ARHGAP40: variants seen among roughly 807,000 people sequenced by gnomAD.
The protein encoded by ARHGAP40 is rho GTPase-activating protein 40.
In ARHGAP40, 43 loss-of-function variants were observed where a neutral mutation model predicts 73.5. The observed-to-expected ratio is 0.58, with a 90% CI of 0.46 to 0.75. The LOEUF (loss-of-function observed/expected upper bound fraction) is 0.75. Among genes scored for constraint, ARHGAP40 ranks in the 30% least tolerant of loss-of-function variants. ARHGAP40 has a pLI of 0.00. For missense variants in ARHGAP40, 734 were observed against 861.8 expected, an observed-to-expected ratio of 0.85 and a Z score of 1.86; for synonymous variants, 300 against 352.8, an observed-to-expected ratio of 0.85 and a Z score of 1.68.
At chr20:38,633,520 C>G (rs1311578302) in intron 5 of ARHGAP40, among the ~76,000 whole-genome samples, 1 of 152,230 alleles carries the variant, frequency 6.6e-6, no homozygotes, top group Non-Finnish European at 1.5e-5. Flanking sequence ...ACTGTTATCA[C>G]TTCCACTTTG....
intron 10 of ARHGAP40, 88 bp from the exon 11 acceptor site, chr20:38,643,616 C>G (rs1157963062): frequency 3.6e-6 from 4 of 1,115,552 alleles, no homozygotes; most frequent in Non-Finnish European, 4.8e-6. Flanking sequence ...CCTAGCACCC[C>G]CTTATCATTC....
intron 9 of ARHGAP40, among the ~76,000 whole-genome samples, chr20:38,640,555 T>C (rs1269195597): frequency 6.6e-6 from 1 of 152,048 alleles, no homozygotes; most frequent in Non-Finnish European, 1.5e-5. Flanking sequence ...TCAGATTCCT[T>C]CCCTATGCTG....
At chr20:38,638,496 C>T (rs1245111525) in intron 7 of ARHGAP40, among the ~76,000 whole-genome samples, 5 of 152,088 alleles carry the variant, frequency 3.3e-5, no homozygotes, top group African/African-American at 1.2e-4. Context: ...GATTTTTGAA[C>T]TTTCATTAGC....
At chr20:38,626,884 CAGA>C (rs1411936155) in intron 2 of ARHGAP40, 108 bp from the exon 3 acceptor site, 3 of 811,676 alleles carry the variant, frequency 3.7e-6, no homozygotes, top group Non-Finnish European at 5.2e-6. Context: ...ATCAGATATG[CAGA>C]AACTCCTGTG....
chr20:38,608,338 C>T (rs1269958586), intron 1 of ARHGAP40, among the ~76,000 whole-genome samples: 3 of 152,202 alleles, frequency 2.0e-5, no homozygotes, highest in African/African-American at 7.2e-5. Context: ...TCAACACCAC[C>T]TCCTCCAGGA....
intron 9 of ARHGAP40, among the ~76,000 whole-genome samples, 156 bp from the exon 10 acceptor site, chr20:38,641,570 A>G (rs1453694166): frequency 6.6e-6 from 1 of 152,174 alleles, no homozygotes; most frequent in East Asian, 1.9e-4. Flanking sequence ...TGTCTGAGCC[A>G]ACATTAGACA....
chr20:38,603,138 T>G (rs922984552), intron 1 of ARHGAP40, among the ~76,000 whole-genome samples: 1 of 152,230 alleles, frequency 6.6e-6, no homozygotes, highest in African/African-American at 2.4e-5. Flanking sequence ...CCCAAGGACC[T>G]GAAGACTAGA....
chr20:38,640,050 T>TCAGGTCG (rs2089004865), intron 9 of ARHGAP40, among the ~76,000 whole-genome samples: 1 of 152,182 alleles, frequency 6.6e-6, no homozygotes, highest in Non-Finnish European at 1.5e-5. Flanking sequence ...TCTCTGACCT[T>TCAGGTCG]TGATTCTCAC....
chr20:38,627,058 G>C (rs1389804349), exon 3 of ARHGAP40: 1 of 1,305,314 alleles, frequency 7.7e-7, no homozygotes, highest in Non-Finnish European at 1.0e-6. Flanking sequence ...GGTGGCCTGG[G>C]CTTGGATGGT....
exon 1 of ARHGAP40, chr20:38,601,952 C>G (rs575406351): frequency 7.8e-7 from 1 of 1,287,856 alleles, no homozygotes; most frequent in East Asian, 5.5e-5. Context: ...CATGGCCGAG[C>G]CTGCCCTCCT....
At chr20:38,621,776 G>A (rs534919391) in intron 1 of ARHGAP40, among the ~76,000 whole-genome samples, 146 of 152,248 alleles carry the variant, frequency 9.6e-4, no homozygotes, top group Non-Finnish European at 1.6e-3. Flanking sequence ...TTTTAAGGCC[G>A]GGCTCAATGG....
At position 38,629,555 on chromosome 20, in the gene ARHGAP40, A is replaced by G. The variant is rs201229120; in HGVS notation, c.688A>G (p.Met230Val). ...GGCTGGGAGGGAAGAAGCCTTCAAC[A>G]TGGACTCTGCCTACTCAGAACAAGC... is the stretch of plus-strand genomic sequence containing the variant. The change falls in exon 5 of 15, where the codon ATG (methionine) becomes GTG (valine). Residue 230 changes from methionine to valine, a missense_variant. Coordinates refer to ENST00000373345, the Ensembl canonical transcript of ARHGAP40. The G allele has an allele frequency of 1.5e-3, 2,017 of 1,305,402 alleles. 7 individuals carry two copies. The highest frequency in any genetic ancestry group is 1.5e-3 in the Middle Eastern group (7 of 4,698). 80.9% of individuals were successfully genotyped at this position (1,305,402 alleles called of 1,614,324 possible). A position where few individuals can be genotyped will look rare whatever the true frequency, so the allele number is the denominator to read the frequency against.
chr20:38,612,124 T>C (rs2088808161), intron 1 of ARHGAP40, among the ~76,000 whole-genome samples: 1 of 152,214 alleles, frequency 6.6e-6, no homozygotes. Flanking sequence ...TATTTTCACA[T>C]GTAATCAATA....
At chr20:38,639,514 C>A (rs1230526144) in intron 9 of ARHGAP40, 128 bp downstream of exon 9, 38 of 1,096,450 alleles carry the variant, frequency 3.5e-5, no homozygotes, top group Middle Eastern at 8.0e-4. Context: ...AAATGTCCAA[C>A]TGATGGGGGA....
rs116545930 is a variant in ARHGAP40 at position 38,615,945 on chromosome 20, A to G, written c.138-7414A>G. On this transcript the variant is annotated intron_variant, in intron 1 of 14. Coordinates refer to ENST00000373345, the Ensembl canonical transcript of ARHGAP40. ...CTGCTGGGCAGCTCCATTTCTAGCCATGGGTCTGGCTGAACTTACTCCTCC... is the reference window on the plus strand; with the variant it reads ...CTGCTGGGCAGCTCCATTTCTAGCCGTGGGTCTGGCTGAACTTACTCCTCC... Among the ~76,000 whole-genome samples, 1,114 of 152,232 alleles carry G rather than the reference A, an allele frequency of 7.3e-3. 15 individuals carry two copies. The highest frequency in any genetic ancestry group is 0.026 in the African/African-American group (1,066 of 41,538).
At position 38,639,215 on chromosome 20, in the gene ARHGAP40, G is replaced by A. The variant is rs184679655; in HGVS notation, c.1120-12G>A. ...TGGGCCAACTGTGTTTTCATGCCCC[G>A]CCTTCCTGTAGGGGCTGGAACAGAA... On this transcript the variant is annotated splice_polypyrimidine_tract_variant and intron_variant, in intron 8 of 14. Coordinates refer to ENST00000373345, the Ensembl canonical transcript of ARHGAP40. The A allele has an allele frequency of 3.5e-4, 455 of 1,304,730 alleles. 1 individual carries two copies. Among genetic ancestry groups the A allele is most frequent in the South Asian group, 3.0e-3 (240 of 81,016 alleles). The allele number at this position is 1,304,730 out of a possible 1,614,324, so 80.8% of individuals were successfully genotyped here.
intron 3 of ARHGAP40, among the ~76,000 whole-genome samples, chr20:38,627,531 A>ATG (rs139431695): frequency 1.8e-5 from 2 of 113,372 alleles, no homozygotes; most frequent in African/African-American, 3.5e-5. Flanking sequence ...GTGTTGGGGT[A>ATG]TGTGTGTGTG....
chr20:38,650,327 G>T (rs146230774), exon 15 of ARHGAP40: 2 of 471,192 alleles, frequency 4.2e-6, no homozygotes, highest in Non-Finnish European at 4.4e-6. Flanking sequence ...GGTAGTTGGG[G>T]TCTTTTCCCC....
Position 38,646,018 on chromosome 20 carries a change from C to T in ARHGAP40, c.1570-29C>T, listed in dbSNP as rs2089050172. ...CTCTCGCCCCCAGAAGTCCTATCCC[C>T]CTGCCAAAACTTGATCCTTTCTGGC... On this transcript the variant is annotated intron_variant, in intron 11 of 14. Coordinates refer to ENST00000373345, the Ensembl canonical transcript of ARHGAP40. The surrounding 1 kb of genome is among the most constrained non-coding windows in gnomAD (Gnocchi z 4.5). 1 of 1,284,990 alleles carries T rather than the reference C, an allele frequency of 7.8e-7. No individual in the cohort carries two copies. Among genetic ancestry groups the T allele is most frequent in the Non-Finnish European group, 1.0e-6 (1 of 976,884 alleles). 79.6% of individuals were successfully genotyped at this position (1,284,990 alleles called of 1,614,324 possible).
Sources: gnomAD v4.1 joint callset for allele counts (sites outside exome capture counted in the v4.1 genomes callset) on GRCh38, gnomAD v4.1.1 for gene constraint, Gnocchi (gnomAD v3.1) non-coding constraint, MANE v1.5 for transcripts, NCBI Gene and HGNC (gene_info 2026-07-23, HGNC 2026-07-21) for gene names.